The following NTM variants were observed in gnomAD, a reference collection of about 807,000 sequenced individuals.
NTM encodes the protein IgLON family member 2.
Under a neutral mutation model 42.1 loss-of-function variants are expected in NTM, and 13 were observed. The observed-to-expected ratio is 0.31, with a 90% confidence interval of 0.20 to 0.49. The LOEUF (loss-of-function observed/expected upper bound fraction) is 0.49, where lower values mean the gene tolerates loss of function less well. NTM is among the 20% of genes least tolerant of loss of function. NTM has a pLI of 0.99. For synonymous variants in NTM, 187 were observed against 179.2 expected, an observed-to-expected ratio of 1.04 and a Z score of -0.35; for missense variants, 373 against 452.8, an observed-to-expected ratio of 0.82 and a Z score of 1.60.
rs566712625 is a variant in NTM, at chr11:132,304,453, A to G, written c.527-3236A>G. Among the ~76,000 whole-genome samples, 87 of 151,856 alleles carry G rather than the reference A, an allele frequency of 5.7e-4. 1 individual carries two copies. The South Asian group carries it at 0.015, about 27-fold the overall frequency. ...CCAATATGCTTTGTAAGTTCCTCAC[A>G]CTAGTGATAAAGCACTGATCACTTC... On this transcript the variant is annotated intron_variant, in intron 4 of 8. Coordinates refer to ENST00000683400, the MANE Select transcript of NTM (RefSeq NM_001352005.2).
intron 2 of NTM, among the ~76,000 whole-genome samples, chr11:132,057,119 AAG>A (rs1182875966): frequency 1.3e-5 from 2 of 152,246 alleles, no homozygotes; most frequent in African/African-American, 4.8e-5. Flanking sequence ...GCGTGCAAAA[AAG>A]AGCAAATGTT....
At position 131,486,908 on chromosome 11, in the gene NTM, C is replaced by T. The variant is rs199860481; in HGVS notation, c.82+116020C>T. Reference sequence around the variant, plus strand: ...AGCCCTGGATGGACCATAAATAATGCATAATGCCCAGAAAGAGCCAGAGTG... The same window carrying T: ...AGCCCTGGATGGACCATAAATAATGTATAATGCCCAGAAAGAGCCAGAGTG... On this transcript the variant is annotated intron_variant, in intron 1 of 8. Coordinates refer to ENST00000683400, the MANE Select transcript of NTM (RefSeq NM_001352005.2). 2.6e-5 allele frequency among the ~76,000 whole-genome samples: 4 copies of T among 152,224 alleles called. No individual in the cohort carries two copies. The East Asian group carries it at 7.7e-4, about 29-fold the overall frequency.
chr11:131,843,397 G>A (rs1474675227), intron 1 of NTM, among the ~76,000 whole-genome samples: 1 of 152,120 alleles, frequency 6.6e-6, no homozygotes, highest in Non-Finnish European at 1.5e-5. Context: ...TCAGTTACTT[G>A]CCTTGTTTAT....
chr11:132,314,158 G>A (rs1309404280), intron 6 of NTM, among the ~76,000 whole-genome samples: 1 of 151,820 alleles, frequency 6.6e-6, no homozygotes, highest in Non-Finnish European at 1.5e-5. Context: ...TCATTTGCAT[G>A]GTTGTCATCA....
chr11:131,757,048 C>T (rs1475228480), intron 1 of NTM, among the ~76,000 whole-genome samples: 1 of 152,202 alleles, frequency 6.6e-6, no homozygotes, highest in Non-Finnish European at 1.5e-5. Context: ...CCCATGCCTT[C>T]AGCAGGGGCA....
chr11:131,383,236 T>C (rs1269818435), intron 1 of NTM, among the ~76,000 whole-genome samples: 3 of 152,182 alleles, frequency 2.0e-5, no homozygotes, highest in African/African-American at 7.2e-5. Flanking sequence ...CTTACTTACA[T>C]TTATATTTCA....
At chr11:132,042,311 C>T (rs1317324372) in intron 2 of NTM, among the ~76,000 whole-genome samples, 1 of 152,148 alleles carries the variant, frequency 6.6e-6, no homozygotes, top group African/African-American at 2.4e-5. Context: ...ATTTCTAGAG[C>T]AGCTATGGCT....
intron 4 of NTM, among the ~76,000 whole-genome samples, chr11:132,306,862 A>C (rs1027834052): frequency 1.3e-5 from 2 of 152,204 alleles, no homozygotes; most frequent in Non-Finnish European, 2.9e-5. Flanking sequence ...CTCTAGCCTT[A>C]AATATCTTGG....
intron 1 of NTM, among the ~76,000 whole-genome samples, chr11:131,640,615 G>A (rs2065017603): frequency 6.6e-6 from 1 of 152,108 alleles, no homozygotes; most frequent in African/African-American, 2.4e-5. Flanking sequence ...ACACTTGCAG[G>A]ATGTCTCACT....
intron 3 of NTM, among the ~76,000 whole-genome samples, chr11:132,200,574 A>T (rs1287371057): frequency 1.3e-5 from 2 of 152,228 alleles, no homozygotes; most frequent in Non-Finnish European, 2.9e-5. Flanking sequence ...CTTGTGTTTG[A>T]GTGCATAACT....
rs533737458 is a variant in NTM, at chr11:131,564,884, T to C, written c.82+193996T>C. Reference sequence around the variant, plus strand: ...ACACACACATACACACACACACACCTTTCTTCTGTAAGTGAAGCCCTTCGC... The same window carrying C: ...ACACACACATACACACACACACACCCTTCTTCTGTAAGTGAAGCCCTTCGC... On this transcript the variant is annotated intron_variant, in intron 1 of 8. Coordinates refer to ENST00000683400, the MANE Select transcript of NTM (RefSeq NM_001352005.2). Among the ~76,000 whole-genome samples the C allele has an allele frequency of 2.1e-3, 320 of 151,256 alleles. 4 individuals carry two copies. Among genetic ancestry groups the C allele is most frequent in the Middle Eastern group, 0.01 (3 of 294 alleles).
intron 1 of NTM, among the ~76,000 whole-genome samples, chr11:131,529,135 A>G (rs2050897259): frequency 6.6e-6 from 1 of 152,144 alleles, no homozygotes; most frequent in African/African-American, 2.4e-5. Context: ...TGCTAAACAG[A>G]TGTTTTGGAC....
At chr11:131,473,693 G>A (rs1190526325) in intron 1 of NTM, among the ~76,000 whole-genome samples, 2 of 152,228 alleles carry the variant, frequency 1.3e-5, no homozygotes, top group Non-Finnish European at 1.5e-5. Context: ...CAGCTCCATG[G>A]TGGAGAGGGA....
chr11:132,247,452 G>A (rs1331231072), intron 4 of NTM, among the ~76,000 whole-genome samples: 4 of 152,166 alleles, frequency 2.6e-5, no homozygotes, highest in East Asian at 1.9e-4. Context: ...AAATATATAC[G>A]TGCTATAGAA....
intron 7 of NTM, among the ~76,000 whole-genome samples, chr11:132,316,168 G>T (rs1486121939): frequency 6.7e-6 from 1 of 150,338 alleles, no homozygotes; most frequent in African/African-American, 2.5e-5. Context: ...GCATGAAATG[G>T]TTCAGCCATT....
At chr11:132,175,019 C>T (rs575207413) in intron 3 of NTM, among the ~76,000 whole-genome samples, 2 of 152,102 alleles carry the variant, frequency 1.3e-5, no homozygotes, top group Non-Finnish European at 1.5e-5. Flanking sequence ...TTCACTTTCC[C>T]CCTGCAGCCT....
At chr11:131,879,314 C>A (rs1319900181) in intron 1 of NTM, among the ~76,000 whole-genome samples, 1 of 152,164 alleles carries the variant, frequency 6.6e-6, no homozygotes. Context: ...GGAAGCACAG[C>A]GTCCACCCGT....
At chr11:132,277,371 T>C (rs1247311485) in intron 4 of NTM, among the ~76,000 whole-genome samples, 2 of 152,214 alleles carry the variant, frequency 1.3e-5, no homozygotes, top group Admixed American at 1.3e-4. Flanking sequence ...GCATATATTG[T>C]GCTGGTACCA....
rs568053603 is a variant in NTM at position 131,400,797 on chromosome 11, A to G, written c.82+29909A>G. On this transcript the variant is annotated intron_variant, in intron 1 of 8. Coordinates refer to ENST00000683400, the MANE Select transcript of NTM (RefSeq NM_001352005.2). ...TGGACAATGTACCAAAGCATTTGAAATGAGGAATGTTTTAGAAAATCTAGG... is the reference window on the plus strand; with the variant it reads ...TGGACAATGTACCAAAGCATTTGAAGTGAGGAATGTTTTAGAAAATCTAGG... Among the ~76,000 whole-genome samples, 5 of 152,304 alleles carry G rather than the reference A, an allele frequency of 3.3e-5. No homozygotes were observed. The South Asian group carries it at 1.0e-3, about 32-fold the overall frequency.
Sources: allele counts gnomAD v4.1 joint callset (sites outside exome capture counted in the v4.1 genomes callset), GRCh38; gene constraint gnomAD v4.1.1; transcripts MANE v1.5; gene names NCBI Gene and HGNC (gene_info 2026-07-23, HGNC 2026-07-21).